The following ELFN2 variants were observed in gnomAD, a reference collection of about 807,000 sequenced individuals.
The protein encoded by ELFN2 is extracellular leucine rich repeat and fibronectin type III domain containing 2.
ELFN2 carries 17 observed loss-of-function variants against 45.5 expected under a neutral mutation model. The ratio of observed to expected loss-of-function variants is 0.37; its 90% confidence interval spans 0.26 to 0.56. The LOEUF (loss-of-function observed/expected upper bound fraction) is 0.56. ELFN2 is among the 20% of genes least tolerant of loss of function. The pLI is 0.77. For missense variants in ELFN2, 922 were observed against 1,183.2 expected (o/e 0.78, Z 3.24); for synonymous variants, 550 against 551.5 (o/e 1.00, Z 0.04).
intron 2 of ELFN2, among the ~76,000 whole-genome samples, chr22:37,412,599 C>T (rs574338967): frequency 6.6e-6 from 1 of 152,316 alleles, no homozygotes; most frequent in South Asian, 2.1e-4. Flanking sequence ...AGGCAGGCTA[C>T]CCTCCCACCA....
chr22:37,355,847 C>T lies in ELFN2; in HGVS notation n.149-13144G>A, dbSNP rs146374299. Reference sequence around the variant, plus strand: ...AAACCCAAATGCTCCCAGAACCATACGTCTTTTCTTCTACCTATTTGCCAG... The same window carrying T: ...AAACCCAAATGCTCCCAGAACCATATGTCTTTTCTTCTACCTATTTGCCAG... On this transcript the variant is annotated intron_variant and non_coding_transcript_variant, in intron 1 of 2. Coordinates refer to ENST00000452946, the Ensembl canonical transcript of ELFN2. Among the ~76,000 whole-genome samples the T allele has an allele frequency of 2.2e-4, 33 of 152,384 alleles. 1 individual carries two copies. In the East Asian group the frequency reaches 4.4e-3, roughly 20 times the overall value.
chr22:37,416,937 C>A (rs1022000196), intron 2 of ELFN2, among the ~76,000 whole-genome samples: 2 of 152,188 alleles, frequency 1.3e-5, no homozygotes, highest in Non-Finnish European at 2.9e-5. Context: ...ATCTCCCTAT[C>A]CTTAGCAACC....
At position 37,411,343 on chromosome 22, in the gene ELFN2, C is replaced by CTT. The variant is rs141717572; in HGVS notation, c.-463+6425_-463+6426insAA. On this transcript the variant is annotated intron_variant, in intron 2 of 2. Coordinates refer to ENST00000402918, the MANE Select transcript of ELFN2 (RefSeq NM_052906.5). The stretch of plus-strand genomic sequence containing the variant: ...CTTAGATCAAGGGCCCTTGAGCCAC[C>CTT]ACCATTGGGGCACCTCAGTGCCAAC... Among the ~76,000 whole-genome samples, 432 of 152,300 alleles carry CTT rather than the reference C, an allele frequency of 2.8e-3. 17 individuals carry two copies. The East Asian group carries it at 0.079, about 28-fold the overall frequency.
intron 1 of ELFN2, among the ~76,000 whole-genome samples, chr22:37,423,450 G>A (rs552501817): frequency 1.6e-4 from 24 of 152,348 alleles, no homozygotes; most frequent in Non-Finnish European, 3.2e-4. Context: ...GAGTTCAGCA[G>A]CCAATGGTGC....
chr22:37,398,065 T>G (rs1480239015), intron 2 of ELFN2, among the ~76,000 whole-genome samples: 3 of 152,076 alleles, frequency 2.0e-5, no homozygotes, highest in Admixed American at 2.0e-4. Flanking sequence ...ACGCTGCGGG[T>G]GGATTATTGC....
At chr22:37,421,716 G>A (rs1362336695) in intron 1 of ELFN2, among the ~76,000 whole-genome samples, 2 of 152,212 alleles carry the variant, frequency 1.3e-5, no homozygotes, top group South Asian at 2.1e-4. Flanking sequence ...GCAGCGATCC[G>A]TCCTCGGTAG....
intron 2 of ELFN2, among the ~76,000 whole-genome samples, chr22:37,412,611 C>T (rs941533754): frequency 4.6e-5 from 7 of 152,228 alleles, no homozygotes; most frequent in Non-Finnish European, 7.3e-5. Context: ...CTCCCACCAC[C>T]GGGCCCTGTC....
At chr22:37,405,090 A>ATTTTTT (rs745621772) in intron 2 of ELFN2, among the ~76,000 whole-genome samples, 2 of 124,038 alleles carry the variant, frequency 1.6e-5, no homozygotes, top group Non-Finnish European at 3.2e-5. Context: ...GAACCTCAGC[A>ATTTTTT]TTTTTTTTTT....
chr22:37,393,955 T>C (rs1177093302), intron 2 of ELFN2, among the ~76,000 whole-genome samples: 2 of 152,150 alleles, frequency 1.3e-5, no homozygotes, highest in African/African-American at 4.8e-5. Context: ...TGAAGCGTGA[T>C]GATGCCACCG....
chr22:37,419,930 C>T (rs1034215608), intron 1 of ELFN2, among the ~76,000 whole-genome samples: 9 of 152,126 alleles, frequency 5.9e-5, no homozygotes, highest in Non-Finnish European at 1.2e-4. Flanking sequence ...AGCCCCCGCC[C>T]CTGCCGGTCG....
intron 1 of ELFN2, among the ~76,000 whole-genome samples, chr22:37,346,273 A>T (rs1425484176): frequency 1.3e-5 from 2 of 152,196 alleles, no homozygotes; most frequent in South Asian, 2.1e-4. Context: ...CTCCCAGACC[A>T]GGCCCCAGGA....
chr22:37,346,191 T>C (rs1185194165), intron 1 of ELFN2, among the ~76,000 whole-genome samples: 1 of 152,264 alleles, frequency 6.6e-6, no homozygotes, highest in Non-Finnish European at 1.5e-5. Flanking sequence ...CCTGGGTTTA[T>C]AGTTGAAACT....
Position 37,417,969 on chromosome 22 carries a change from A to AGAGGGAGGGGGGACAGCAGGAGG in ELFN2, c.-613-73_-613-51dup. The AGAGGGAGGGGGGACAGCAGGAGG allele has an allele frequency of 7.6e-6, 1 of 132,334 alleles. No individual in the cohort carries two copies. 8.2% of individuals were successfully genotyped at this position (132,334 alleles called of 1,614,324 possible). On this transcript the variant is annotated intron_variant, in intron 1 of 2. Transcript: ENST00000402918. The surrounding 1 kb of genome is among the most constrained non-coding windows in gnomAD (Gnocchi z 4.5). Reference sequence around the variant, plus strand: ...GGGGAGGGAGGGAGAGAAGGGGAGGAGAGGGAGGGGGGACAGCAGGAGGGA... The same window carrying AGAGGGAGGGGGGACAGCAGGAGG: ...GGGGAGGGAGGGAGAGAAGGGGAGGAGAGGGAGGGGGGACAGCAGGAGGGAGGGAGGGGGGACAGCAGGAGGGA...
intron 2 of ELFN2, among the ~76,000 whole-genome samples, chr22:37,396,883 C>G (rs1932226628): frequency 6.6e-6 from 1 of 152,228 alleles, no homozygotes. Context: ...AGACCAGCCT[C>G]CAAGTCCATG....
intron 1 of ELFN2, among the ~76,000 whole-genome samples, chr22:37,426,469 G>T (rs1448516777): frequency 6.6e-6 from 1 of 151,644 alleles, no homozygotes; most frequent in Non-Finnish European, 1.5e-5. Flanking sequence ...AGAGAGCAGG[G>T]TCCACCCCAT....
At chr22:37,365,682 A>G (rs1931187220), downstream of ELFN2, among the ~76,000 whole-genome samples, 1 of 152,158 alleles carries the variant, frequency 6.6e-6, no homozygotes, top group African/African-American at 2.4e-5. Flanking sequence ...CCTGGCAACT[A>G]TGGTCCTGTT....
At chr22:37,352,841 G>T (rs568515931) in intron 1 of ELFN2, among the ~76,000 whole-genome samples, 1 of 150,998 alleles carries the variant, frequency 6.6e-6, no homozygotes, top group East Asian at 1.9e-4. Context: ...CTTTGTGGGA[G>T]AAATGCACTC....
At chr22:37,395,657 CG>C (rs913519880) in intron 2 of ELFN2, among the ~76,000 whole-genome samples, 12 of 152,170 alleles carry the variant, frequency 7.9e-5, no homozygotes, top group East Asian at 1.9e-4. Context: ...TCCTCACCCA[CG>C]GGGGGCAGGG....
chr22:37,396,777 G>A lies in ELFN2; in HGVS notation c.-462-20781C>T, dbSNP rs184884406. ...ATGCATGCCCCTGGCTGCTCAGATC[G>A]CGCTCGGTCATGGTCACCACTGCCT... On this transcript the variant is annotated intron_variant, in intron 2 of 2. Transcript: ENST00000402918. Among the ~76,000 whole-genome samples the A allele has an allele frequency of 8.5e-5, 13 of 152,130 alleles. No individual in the cohort carries two copies. In the East Asian group the frequency reaches 2.3e-3, roughly 27 times the overall value.
Sources: gnomAD v4.1 joint callset for allele counts (sites outside exome capture counted in the v4.1 genomes callset) on GRCh38, gnomAD v4.1.1 for gene constraint, Gnocchi (gnomAD v3.1) non-coding constraint, MANE v1.5 for transcripts, NCBI Gene and HGNC (gene_info 2026-07-23, HGNC 2026-07-21) for gene names.